Variants in TAOK1 observed in about 807,000 individuals in gnomAD.
The protein encoded by TAOK1 is serine/threonine-protein kinase TAO1.
Under a neutral mutation model 138.3 loss-of-function variants are expected in TAOK1, and 21 were observed. The observed-to-expected ratio is 0.15, with a 90% CI of 0.11 to 0.22. The LOEUF is 0.22. Ranked by LOEUF, TAOK1 falls within the 10% of genes least tolerant of loss-of-function variation. The pLI is 1.00. For missense variants in TAOK1, 651 were observed against 1,227.7 expected, an observed-to-expected ratio of 0.53 and a Z score of 7.02; for synonymous variants, 361 against 398.4, an observed-to-expected ratio of 0.91 and a Z score of 1.12.
chr17:29,424,159 G>A (rs1048330495), intron 1 of TAOK1, among the ~76,000 whole-genome samples: 1 of 151,884 alleles, frequency 6.6e-6, no homozygotes, highest in African/African-American at 2.4e-5. Context: ...TGTGTATAGT[G>A]TTCTATAAAT....
At chr17:29,531,885 G>A (rs2032118571) in intron 18 of TAOK1, among the ~76,000 whole-genome samples, 1 of 149,274 alleles carries the variant, frequency 6.7e-6, no homozygotes, top group Non-Finnish European at 1.5e-5. Flanking sequence ...TTTTGAGACG[G>A]AGTCTCGCTC....
chr17:29,550,470 G>A lies in TAOK1; in HGVS notation c.*7448G>A, dbSNP rs1366137901. On this transcript the variant is annotated 3_prime_UTR_variant, in exon 20 of 20. Transcript: ENST00000261716. ...TGGATGGGTTACTATGAGCAATTTC[G>A]CTTTCAGAACCCCCTTGTTTTAGTA... 2.6e-5 allele frequency: 4 copies of A among 152,028 alleles called. No individual in the cohort carries two copies. Among genetic ancestry groups the A allele is most frequent in the Non-Finnish European group, 4.4e-5 (3 of 68,006 alleles). 9.4% of individuals were successfully genotyped at this position (152,028 alleles called of 1,614,324 possible).
At chr17:29,442,047 C>G (rs572362556) in intron 1 of TAOK1, among the ~76,000 whole-genome samples, 12 of 150,302 alleles carry the variant, frequency 8.0e-5, no homozygotes, top group Admixed American at 6.6e-4. Context: ...ATTTTTCTGT[C>G]TTTTTTTTTG....
chr17:29,523,679 C>T (rs1345455548), intron 17 of TAOK1, among the ~76,000 whole-genome samples: 1 of 152,218 alleles, frequency 6.6e-6, no homozygotes, highest in Non-Finnish European at 1.5e-5. Flanking sequence ...AACCACCGCA[C>T]CTGGCCCACA....
chr17:29,520,906 C>A (rs572573071), intron 16 of TAOK1, among the ~76,000 whole-genome samples: 10 of 151,988 alleles, frequency 6.6e-5, no homozygotes, highest in Non-Finnish European at 1.5e-4. Flanking sequence ...TGCCTGTAGT[C>A]CCAGCTACTC....
At chr17:29,418,800 C>T (rs1459929425) in intron 1 of TAOK1, among the ~76,000 whole-genome samples, 9 of 151,912 alleles carry the variant, frequency 5.9e-5, no homozygotes, top group African/African-American at 1.7e-4. Context: ...ATTTTTAATC[C>T]GAGGTTGACT....
chr17:29,444,703 G>C (rs1306192825), intron 1 of TAOK1, among the ~76,000 whole-genome samples: 2 of 152,024 alleles, frequency 1.3e-5, no homozygotes, highest in Non-Finnish European at 1.5e-5. Flanking sequence ...AAATCCTCTT[G>C]GACTTTTGAG....
chr17:29,484,575 A>G (rs1227566742), intron 8 of TAOK1, among the ~76,000 whole-genome samples: 1 of 152,032 alleles, frequency 6.6e-6, no homozygotes, highest in Non-Finnish European at 1.5e-5. Flanking sequence ...GTCTAGAGGT[A>G]TGATTTTCGT....
At chr17:29,423,224 C>T (rs1359174825) in intron 1 of TAOK1, among the ~76,000 whole-genome samples, 9 of 112,722 alleles carry the variant, frequency 8.0e-5, no homozygotes, top group East Asian at 2.3e-4. Context: ...TTCTTCTTTT[C>T]TTTTTTTTTT....
At chr17:29,443,905 A>G (rs1259838980) in intron 1 of TAOK1, among the ~76,000 whole-genome samples, 1 of 152,094 alleles carries the variant, frequency 6.6e-6, no homozygotes, top group Non-Finnish European at 1.5e-5. Context: ...ACCTGAGGTC[A>G]GGAGTTCGAG....
chr17:29,501,433 A>G (rs2031528429), intron 12 of TAOK1, among the ~76,000 whole-genome samples: 1 of 151,902 alleles, frequency 6.6e-6, no homozygotes, highest in Non-Finnish European at 1.5e-5. Context: ...CAAAAAAAAA[A>G]AAAAAAAGAT....
intron 3 of TAOK1, among the ~76,000 whole-genome samples, chr17:29,471,561 G>T (rs1174975884): frequency 3.9e-5 from 6 of 151,940 alleles, no homozygotes; most frequent in Non-Finnish European, 7.4e-5. Context: ...ACAGGCGTGA[G>T]CCACCGCGCC....
intron 1 of TAOK1, among the ~76,000 whole-genome samples, chr17:29,409,582 C>T (rs1905092609): frequency 6.6e-6 from 1 of 151,980 alleles, no homozygotes; most frequent in South Asian, 2.1e-4. Context: ...ATCCCCCCGC[C>T]TCAGCCTCCC....
At chr17:29,533,782 A>G (rs1373066233) in intron 18 of TAOK1, among the ~76,000 whole-genome samples, 2 of 36,338 alleles carry the variant, frequency 5.5e-5, no homozygotes, top group Admixed American at 3.6e-4. Context: ...GTGAGCCGAG[A>G]TGGCAGCAGT....
intron 11 of TAOK1, among the ~76,000 whole-genome samples, chr17:29,497,539 T>C (rs1472665322): frequency 6.6e-6 from 1 of 152,126 alleles, no homozygotes. Flanking sequence ...ACTACTGTAA[T>C]GTTAGTGCCC....
chr17:29,463,465 G>A (rs1385725080), intron 2 of TAOK1, among the ~76,000 whole-genome samples: 2 of 152,002 alleles, frequency 1.3e-5, no homozygotes, highest in Admixed American at 6.6e-5. Context: ...CAGCTACTCC[G>A]GGGGCTGAGG....
chr17:29,474,055 C>T (rs1200830493), intron 3 of TAOK1, among the ~76,000 whole-genome samples: 3 of 152,112 alleles, frequency 2.0e-5, no homozygotes, highest in Non-Finnish European at 2.9e-5. Context: ...TTTTATTTTA[C>T]GGAGATAATT....
Position 29,545,449 on chromosome 17 carries a change from T to G in TAOK1, c.*2427T>G, listed in dbSNP as rs1308126646. 6.6e-6 allele frequency: 1 copy of G among 152,226 alleles called. No individual in the cohort carries two copies. Among genetic ancestry groups the G allele is most frequent in the Non-Finnish European group, 1.5e-5 (1 of 68,038 alleles). 9.4% of individuals were successfully genotyped at this position (152,226 alleles called of 1,614,324 possible). On this transcript the variant is annotated 3_prime_UTR_variant, in exon 20 of 20. Transcript: ENST00000261716. ...AACCCAAAATATTATTGGTGGTACA[T>G]TTTAAAGTCCAATTGTGGACTTAAA...
At chr17:29,519,327 A>G (rs1375225166) in intron 16 of TAOK1, among the ~76,000 whole-genome samples, 1 of 152,048 alleles carries the variant, frequency 6.6e-6, no homozygotes, top group Non-Finnish European at 1.5e-5. Flanking sequence ...CCTGGCCAAC[A>G]TAGTGAAACC....
Sources: gnomAD v4.1 joint callset for allele counts (sites outside exome capture counted in the v4.1 genomes callset) on GRCh38, gnomAD v4.1.1 for gene constraint, MANE v1.5 for transcripts, NCBI Gene and HGNC (gene_info 2026-07-23, HGNC 2026-07-21) for gene names.